EYS: variants seen among roughly 807,000 people sequenced by gnomAD.
EYS encodes protein eyes shut homolog.
In EYS, 250 loss-of-function variants were observed where a neutral mutation model predicts 282.1. The ratio of observed to expected loss-of-function variants is 0.89; its 90% confidence interval spans 0.80 to 0.98. The LOEUF (loss-of-function observed/expected upper bound fraction) is 0.98. EYS is among the 50% of genes least tolerant of loss of function. The pLI is 0.00. For synonymous variants in EYS, 1,355 were observed against 1,282.9 expected, an observed-to-expected ratio of 1.06 and a Z score of -1.20; for missense variants, 4,016 against 3,709.0, an observed-to-expected ratio of 1.08 and a Z score of -2.15.
chr6:63,741,517 G>A (rs1769075340), intron 41 of EYS, among the ~76,000 whole-genome samples: 1 of 152,214 alleles, frequency 6.6e-6, no homozygotes, highest in African/African-American at 2.4e-5. Flanking sequence ...GCTTCAGGGA[G>A]AGCACAGACT....
intron 30 of EYS, among the ~76,000 whole-genome samples, chr6:64,302,330 T>G (rs1769264540): frequency 6.6e-6 from 1 of 152,196 alleles, no homozygotes. Context: ...TTTCAACAGG[T>G]GTTAACCCTA....
chr6:64,323,763 A>T (rs769483955), intron 29 of EYS, among the ~76,000 whole-genome samples: 53 of 152,264 alleles, frequency 3.5e-4, no homozygotes, highest in Non-Finnish European at 6.6e-4. Context: ...GTACAACTAC[A>T]TGCTGTGAAT....
At chr6:64,096,764 T>C (rs1772632999) in intron 31 of EYS, among the ~76,000 whole-genome samples, 1 of 152,222 alleles carries the variant, frequency 6.6e-6, no homozygotes, top group African/African-American at 2.4e-5. Flanking sequence ...TCAAAGTCAT[T>C]CTCCATCCAG....
intron 15 of EYS, among the ~76,000 whole-genome samples, chr6:64,924,018 G>A (rs1385447387): frequency 6.6e-6 from 1 of 152,164 alleles, no homozygotes; most frequent in Non-Finnish European, 1.5e-5. Flanking sequence ...GCCCCAGTAG[G>A]GACTCTGTGT....
chr6:64,296,585 C>T (rs4034762), intron 30 of EYS, among the ~76,000 whole-genome samples: 1,308 of 6,282 alleles, frequency 0.21, 13 homozygotes, highest in East Asian at 0.31. Context: ...TATATATATA[C>T]ATATATATAT....
intron 26 of EYS, among the ~76,000 whole-genome samples, chr6:64,476,382 G>A (rs768100657): frequency 3.2e-4 from 48 of 151,830 alleles, no homozygotes; most frequent in Non-Finnish European, 6.0e-4. Context: ...ATTTTTTGAA[G>A]TAAGCTACCT....
intron 12 of EYS, among the ~76,000 whole-genome samples, chr6:65,294,162 G>A (rs1331379418): frequency 2.0e-5 from 3 of 151,812 alleles, no homozygotes; most frequent in Non-Finnish European, 2.9e-5. Flanking sequence ...AGGAAGAGAA[G>A]GGGGCTGGAG....
chr6:63,983,036 A>G (rs890180037), intron 35 of EYS, among the ~76,000 whole-genome samples: 2 of 151,770 alleles, frequency 1.3e-5, no homozygotes, highest in Non-Finnish European at 2.9e-5. Flanking sequence ...TTGAAAAACA[A>G]TTGGTATTAG....
intron 41 of EYS, among the ~76,000 whole-genome samples, chr6:63,727,706 CAAAAAAAAAAAAAA>C (rs1169878020): frequency 1.1e-4 from 1 of 9,520 alleles, no homozygotes; most frequent in Non-Finnish European, 1.6e-4. Flanking sequence ...CACCATCTCT[CAAAAAAAAAAAAAA>C]AAAAAAAAAA....
intron 30 of EYS, among the ~76,000 whole-genome samples, chr6:64,281,869 T>C (rs1419921233): frequency 4.6e-5 from 7 of 152,050 alleles, no homozygotes; most frequent in Non-Finnish European, 1.0e-4. Flanking sequence ...AGTAAGAAGA[T>C]TGGAGGGTTT....
At chr6:65,346,431 C>T (rs1300205904) in intron 9 of EYS, among the ~76,000 whole-genome samples, 3 of 146,962 alleles carry the variant, frequency 2.0e-5, no homozygotes, top group African/African-American at 7.5e-5. Flanking sequence ...AAACAATGTC[C>T]GAAGTGTGTA....
chr6:63,981,165 A>G (rs2149790113), intron 35 of EYS, among the ~76,000 whole-genome samples: 1 of 151,834 alleles, frequency 6.6e-6, no homozygotes, highest in South Asian at 2.1e-4. Context: ...TTGGGAGTCT[A>G]TGTTCTCCTT....
At chr6:64,833,993 G>A (rs1012431918) in intron 19 of EYS, among the ~76,000 whole-genome samples, 1 of 151,824 alleles carries the variant, frequency 6.6e-6, no homozygotes, top group Non-Finnish European at 1.5e-5. Context: ...CCAAACCAGG[G>A]CCTTGATGAA....
At position 63,816,966 on chromosome 6, in the gene EYS, C is replaced by A. The variant is rs564302708; in HGVS notation, c.7229-10594G>T. Among the ~76,000 whole-genome samples the A allele has an allele frequency of 2.3e-4, 35 of 151,930 alleles. 2 individuals are homozygous for A. In the South Asian group the frequency reaches 6.6e-3, roughly 29 times the overall value. ...TTCCCAATTGGAGACTTCTTAAAGT[C>A]TTTTCTTTTATTGCATTTTGTTCCA... On this transcript the variant is annotated intron_variant, in intron 36 of 42. Transcript: ENST00000503581.
chr6:63,859,081 T>TG (rs1772468033), intron 36 of EYS, among the ~76,000 whole-genome samples: 2 of 22,662 alleles, frequency 8.8e-5, no homozygotes, highest in African/African-American at 1.4e-4. Context: ...GAGAGTTTTT[T>TG]TTTTTTTTTT....
At chr6:64,339,146 A>G (rs1004431833) in intron 29 of EYS, among the ~76,000 whole-genome samples, 2 of 152,104 alleles carry the variant, frequency 1.3e-5, no homozygotes, top group Non-Finnish European at 2.9e-5. Flanking sequence ...GGACTTAATT[A>G]AACTAAAGAG....
intron 26 of EYS, among the ~76,000 whole-genome samples, chr6:64,548,003 CAG>C: frequency 6.6e-6 from 1 of 152,344 alleles, no homozygotes; most frequent in Non-Finnish European, 1.5e-5. Context: ...CATGCCCACC[CAG>C]AACTCGTGCT....
At chr6:63,948,780 C>T (rs1468483036) in intron 35 of EYS, among the ~76,000 whole-genome samples, 2 of 152,072 alleles carry the variant, frequency 1.3e-5, no homozygotes, top group African/African-American at 2.4e-5. Flanking sequence ...TCTTTACTGG[C>T]TTAAAGAGGC....
intron 30 of EYS, among the ~76,000 whole-genome samples, chr6:64,294,728 G>T (rs575377080): frequency 2.0e-5 from 3 of 152,196 alleles, no homozygotes; most frequent in African/African-American, 7.2e-5. Flanking sequence ...ACTACTGATG[G>T]CTTAGTATGA....
Sources: gnomAD v4.1 joint callset for allele counts (sites outside exome capture counted in the v4.1 genomes callset) on GRCh38, gnomAD v4.1.1 for gene constraint, MANE v1.5 for transcripts, NCBI Gene and HGNC (gene_info 2026-07-23, HGNC 2026-07-21) for gene names.